Variants in BMPER observed in about 807,000 individuals in gnomAD.
BMPER encodes BMP binding endothelial regulator, also known as BMP-binding endothelial regulator protein.
In BMPER, 45 loss-of-function variants were observed where a neutral mutation model predicts 87.3. That is an observed-to-expected ratio of 0.52 (90% CI 0.41 to 0.66). The LOEUF (loss-of-function observed/expected upper bound fraction) is 0.66, where lower values mean the gene tolerates loss of function less well. Ranked by LOEUF, BMPER falls within the 30% of genes least tolerant of loss-of-function variation. BMPER has a pLI of 0.00. For synonymous variants in BMPER, 326 were observed against 316.2 expected, an observed-to-expected ratio of 1.03 and a Z score of -0.33; for missense variants, 784 against 867.5, an observed-to-expected ratio of 0.90 and a Z score of 1.21.
chr7:34,110,474 GA>G (rs1029424159), intron 13 of BMPER, among the ~76,000 whole-genome samples: 2 of 152,190 alleles, frequency 1.3e-5, no homozygotes, highest in Non-Finnish European at 2.9e-5. Context: ...GAGGGTTCAG[GA>G]AAGGATGTAG....
At chr7:34,042,712 G>A (rs908474960) in intron 6 of BMPER, 32 of 152,262 alleles carry the variant, frequency 2.1e-4, no homozygotes, top group African/African-American at 7.5e-4. Context: ...TGGTAGCTCT[G>A]CCTTTCATTC....
At chr7:33,932,473 G>C (rs1490087778) in intron 2 of BMPER, among the ~76,000 whole-genome samples, 2 of 152,234 alleles carry the variant, frequency 1.3e-5, no homozygotes, top group Non-Finnish European at 2.9e-5. Context: ...GGCAGGCTTT[G>C]CTGTCATCAG....
chr7:33,907,392 C>T (rs1032512758), intron 2 of BMPER, among the ~76,000 whole-genome samples: 13 of 152,082 alleles, frequency 8.5e-5, no homozygotes, highest in Middle Eastern at 3.2e-3. Flanking sequence ...ATTTCTTTCT[C>T]GGGTTTCTTT....
At chr7:33,930,125 A>C (rs1784447845) in intron 2 of BMPER, among the ~76,000 whole-genome samples, 2 of 152,146 alleles carry the variant, frequency 1.3e-5, no homozygotes, top group African/African-American at 4.8e-5. Context: ...CACTTCTTTC[A>C]GCTGGGGAGT....
At chr7:34,072,436 ATT>A (rs71554123) in intron 11 of BMPER, among the ~76,000 whole-genome samples, 13 of 145,290 alleles carry the variant, frequency 8.9e-5, no homozygotes, top group African/African-American at 3.0e-4. Flanking sequence ...AAGAGAATCG[ATT>A]TTTTTTTTTT....
At chr7:34,010,017 G>A (rs941132099) in intron 6 of BMPER, among the ~76,000 whole-genome samples, 3 of 151,898 alleles carry the variant, frequency 2.0e-5, no homozygotes, top group African/African-American at 7.2e-5. Flanking sequence ...GCTGGTGTCA[G>A]TGGGTTAAAC....
chr7:33,937,362 G>A lies in BMPER; in HGVS notation c.293G>A (p.Arg98Lys). ...GACTGTGCCCTGGCCATCAAGCAGA[G>A]GGGAGCCTGTTGTGAACAGTGCAAA... is the stretch of plus-strand genomic sequence containing the variant. ...SRDCALAIKQ[R>K]GACCEQCKGC... The change falls in exon 3 of 15, where the codon AGG becomes AAG. Residue 98 changes from arginine to lysine, a missense_variant. Transcript: ENST00000649409. 1 of 1,614,176 alleles carries A rather than the reference G, an allele frequency of 6.2e-7. No homozygotes were observed. The highest frequency in any genetic ancestry group is 8.5e-7 in the Non-Finnish European group (1 of 1,180,026).
intron 6 of BMPER, among the ~76,000 whole-genome samples, chr7:34,045,893 G>C (rs1023026598): frequency 3.9e-5 from 6 of 152,130 alleles, no homozygotes; most frequent in Non-Finnish European, 8.8e-5. Context: ...TGCTTGGCAG[G>C]ATAGAAAGAG....
intron 6 of BMPER, among the ~76,000 whole-genome samples, chr7:34,010,984 T>G (rs1022608004): frequency 2.0e-5 from 3 of 151,922 alleles, no homozygotes; most frequent in Admixed American, 2.0e-4. Flanking sequence ...ATACTTGAAT[T>G]TAAGAGGAAT....
At chr7:34,063,724 T>G (rs1376246002) in intron 11 of BMPER, among the ~76,000 whole-genome samples, 1 of 152,218 alleles carries the variant, frequency 6.6e-6, no homozygotes, top group Admixed American at 6.5e-5. Flanking sequence ...GAGGAAACTT[T>G]GTTTATGGAT....
intron 6 of BMPER, among the ~76,000 whole-genome samples, chr7:33,985,901 A>G (rs951677691): frequency 5.3e-5 from 8 of 152,230 alleles, no homozygotes; most frequent in South Asian, 2.1e-4. Context: ...CTTAGTATGC[A>G]TATGGCATGG....
intron 12 of BMPER, among the ~76,000 whole-genome samples, chr7:34,081,474 G>A (rs1789046274): frequency 6.6e-6 from 1 of 152,226 alleles, no homozygotes; most frequent in Non-Finnish European, 1.5e-5. Flanking sequence ...TATTTGGCAG[G>A]GTAACACAGG....
intron 14 of BMPER, among the ~76,000 whole-genome samples, chr7:34,145,144 G>T (rs564306754): frequency 6.6e-6 from 1 of 152,328 alleles, no homozygotes; most frequent in Non-Finnish European, 1.5e-5. Flanking sequence ...CTCCCTAGGT[G>T]ATTCTGACCT....
intron 3 of BMPER, among the ~76,000 whole-genome samples, chr7:33,940,249 G>A (rs898801688): frequency 2.0e-5 from 3 of 152,054 alleles, no homozygotes; most frequent in Non-Finnish European, 4.4e-5. Flanking sequence ...CTTAACATTA[G>A]GGCATAACAT....
chr7:34,000,020 A>C (rs1786536042), intron 6 of BMPER, among the ~76,000 whole-genome samples: 1 of 152,222 alleles, frequency 6.6e-6, no homozygotes, highest in Admixed American at 6.5e-5. Flanking sequence ...AAATTGGTTA[A>C]CATCTGTGTT....
chr7:34,046,294 C>G lies in BMPER; in HGVS notation c.577-12C>G, dbSNP rs200902317. On this transcript the variant is annotated splice_polypyrimidine_tract_variant and intron_variant, in intron 6 of 14. Coordinates refer to ENST00000649409, the MANE Select transcript of BMPER (RefSeq NM_001365308.1). ...TTTTCTAAATATGCTTTTTTTTTCTCTCTTTTCTTAGGGAGGCAGGACACA... is the reference window on the plus strand; with the variant it reads ...TTTTCTAAATATGCTTTTTTTTTCTGTCTTTTCTTAGGGAGGCAGGACACA... The G allele has an allele frequency of 9.3e-6, 15 of 1,608,418 alleles. No individual in the cohort carries two copies. In the East Asian group the frequency reaches 3.3e-4, roughly 36 times the overall value.
intron 6 of BMPER, among the ~76,000 whole-genome samples, chr7:33,986,949 C>T (rs1365886): frequency 0.23 from 34,799 of 151,736 alleles, 4,197 homozygotes; most frequent in Admixed American, 0.32. Flanking sequence ...GGCTCCCCTC[C>T]CCTCCTGTGC....
At chr7:34,119,902 C>A (rs1335604900) in intron 13 of BMPER, among the ~76,000 whole-genome samples, 1 of 151,862 alleles carries the variant, frequency 6.6e-6, no homozygotes, top group Non-Finnish European at 1.5e-5. Context: ...AACCTAAAAC[C>A]AACCAATGAA....
At chr7:33,943,922 G>T (rs1459173169) in intron 3 of BMPER, among the ~76,000 whole-genome samples, 1 of 152,104 alleles carries the variant, frequency 6.6e-6, no homozygotes, top group East Asian at 1.9e-4. Context: ...CATTTAAAGA[G>T]CCTAACTGAG....
Sources: allele counts gnomAD v4.1 joint callset (sites outside exome capture counted in the v4.1 genomes callset), GRCh38; gene constraint gnomAD v4.1.1; transcripts MANE v1.5; gene names NCBI Gene and HGNC (gene_info 2026-07-23, HGNC 2026-07-21).